FRMPD4: variants seen among roughly 807,000 people sequenced by gnomAD.
FRMPD4 encodes FERM and PDZ domain-containing protein 4.
FRMPD4 carries 22 observed loss-of-function variants against 94.1 expected under a neutral mutation model. The observed-to-expected ratio is 0.23, with a 90% confidence interval of 0.17 to 0.33. The LOEUF is 0.33. Among genes scored for constraint, FRMPD4 ranks in the 10% least tolerant of loss-of-function variants. The probability of loss-of-function intolerance (pLI) is 1.00; values close to 1 mark genes in which losing one functional copy is unlikely to be tolerated. For missense variants in FRMPD4, 1,111 were observed against 1,339.9 expected (o/e 0.83, Z 2.67); for synonymous variants, 631 against 548.6 (o/e 1.15, Z -2.10).
chrX:12,331,183 A>G (rs746977047), intron 1 of FRMPD4, among the ~76,000 whole-genome samples: 32 of 106,665 alleles, frequency 3.0e-4, no homozygotes, highest in Non-Finnish European at 5.4e-4. Context: ...TAAAATACAT[A>G]TATTGTTAAG....
chrX:11,885,127 C>T (rs772091082), intron 3 of FRMPD4, among the ~76,000 whole-genome samples: 1 of 111,860 alleles, frequency 8.9e-6, no homozygotes, highest in Admixed American at 9.5e-5. Flanking sequence ...AGAAGAAGCC[C>T]AGTGTCCATC....
chrX:11,861,006 G>A (rs1430493926), intron 1 of FRMPD4, among the ~76,000 whole-genome samples: 1 of 112,030 alleles, frequency 8.9e-6, no homozygotes, highest in African/African-American at 3.2e-5. Flanking sequence ...ATTTCAAAAA[G>A]TATTTAATTA....
At chrX:11,934,817 G>T (rs2054143214) in intron 3 of FRMPD4, among the ~76,000 whole-genome samples, 1 of 111,641 alleles carries the variant, frequency 9.0e-6, no homozygotes. Flanking sequence ...ATGAAGGAAT[G>T]AATGATGTCC....
intron 4 of FRMPD4, among the ~76,000 whole-genome samples, chrX:12,619,963 C>T (rs1397774099): frequency 1.8e-5 from 2 of 112,677 alleles, no homozygotes; most frequent in Non-Finnish European, 3.8e-5. Context: ...CTCAGGCAGG[C>T]CTACTGACCT....
chrX:12,536,372 T>C (rs1366519044), intron 2 of FRMPD4, among the ~76,000 whole-genome samples: 2 of 110,623 alleles, frequency 1.8e-5, no homozygotes, highest in African/African-American at 6.5e-5. Flanking sequence ...AAAAGTCTAC[T>C]TGATTATCAC....
chrX:11,828,195 T>C (rs994986702), intron 1 of FRMPD4, among the ~76,000 whole-genome samples: 1 of 112,151 alleles, frequency 8.9e-6, no homozygotes, highest in Admixed American at 9.5e-5. Context: ...CTAGAAATCT[T>C]GCTTGTAGCT....
In FRMPD4 at chrX:12,713,597, C is replaced by G. The variant is rs746050257; in HGVS notation, c.1610-2472C>G. ...TGAGCAGCAGTCTGGGCTCAGCATA[C>G]TCTAAGGGCTGAAAGTACTCTCTTC... On this transcript the variant is annotated intron_variant, in intron 14 of 16. Coordinates refer to ENST00000675598, the MANE Select transcript of FRMPD4 (RefSeq NM_001368397.1). Among the ~76,000 whole-genome samples, 141 of 111,149 alleles carry G rather than the reference C, an allele frequency of 1.3e-3. 1 individual carries two copies. The highest frequency in any genetic ancestry group is 4.5e-3 in the African/African-American group (138 of 30,530).
intron 1 of FRMPD4, among the ~76,000 whole-genome samples, chrX:12,392,963 G>A (rs1037104854): frequency 1.2e-4 from 13 of 111,928 alleles, no homozygotes; most frequent in Middle Eastern, 4.6e-3. Context: ...GCAAAACTCC[G>A]TCTCAAGGAA....
At chrX:12,133,358 T>C (rs1186382043) in intron 3 of FRMPD4, among the ~76,000 whole-genome samples, 1 of 110,433 alleles carries the variant, frequency 9.1e-6, no homozygotes, top group Non-Finnish European at 1.9e-5. Flanking sequence ...AGGCCTGAGC[T>C]ACTGCACCCA....
At chrX:12,658,326 G>A (rs748813018) in intron 4 of FRMPD4, among the ~76,000 whole-genome samples, 1 of 111,949 alleles carries the variant, frequency 8.9e-6, no homozygotes, top group Non-Finnish European at 1.9e-5. Flanking sequence ...CCTGTTTCTA[G>A]TCACTGTTTA....
At chrX:12,383,279 T>C (rs1232706627) in intron 1 of FRMPD4, among the ~76,000 whole-genome samples, 1 of 112,105 alleles carries the variant, frequency 8.9e-6, no homozygotes, top group Non-Finnish European at 1.9e-5. Flanking sequence ...AAACTAATTG[T>C]TCTCAAACAA....
At chrX:12,720,080 AAG>A (rs1211248489) in intron 16 of FRMPD4, among the ~76,000 whole-genome samples, 28 of 74,602 alleles carry the variant, frequency 3.8e-4, no homozygotes, top group African/African-American at 1.3e-3. Context: ...GAAAGAAAGA[AAG>A]AGAAAGAAAG....
At chrX:12,662,637 T>C (rs1463443893) in intron 4 of FRMPD4, among the ~76,000 whole-genome samples, 1 of 112,505 alleles carries the variant, frequency 8.9e-6, no homozygotes, top group Non-Finnish European at 1.9e-5. Context: ...GCCTTTGCAA[T>C]TGTGAACAGT....
intron 3 of FRMPD4, among the ~76,000 whole-genome samples, chrX:11,997,787 A>G (rs1422080524): frequency 5.4e-5 from 6 of 111,243 alleles, no homozygotes; most frequent in East Asian, 5.7e-4. Context: ...GCCCAAATCA[A>G]TGGGGCAGGG....
At position 12,718,487 on chromosome X, in the gene FRMPD4, G is replaced by A; in HGVS notation, c.3661G>A (p.Gly1221Ser). 2 of 1,207,899 alleles carry A rather than the reference G, an allele frequency of 1.7e-6. No individual in the cohort carries two copies. The highest frequency in any genetic ancestry group is 2.2e-6 in the Non-Finnish European group (2 of 891,829). ...CTCCCAAGGCTCTTCAGTGGATGCA[G>A]GCTGTGGCACAGGCAGCAGTGGCAG... is the stretch of plus-strand genomic sequence containing the variant. ...QSSQGSSVDAGCGTGSSGSAC... is the reference protein window; with the variant it reads ...QSSQGSSVDASCGTGSSGSAC... The change falls in exon 16 of 17, where the codon GGC becomes AGC. Residue 1221 changes from glycine to serine, a missense_variant. Physicochemically the swap from Gly to Ser is moderately conservative, Grantham distance 56. Around this residue, in one of 8 missense-constraint regions of FRMPD4, gnomAD observed 551 missense variants for 591.6 expected, o/e 0.93. Coordinates refer to ENST00000675598, the MANE Select transcript of FRMPD4 (RefSeq NM_001368397.1).
At chrX:12,573,325 T>C (rs2058777653) in intron 2 of FRMPD4, among the ~76,000 whole-genome samples, 1 of 112,011 alleles carries the variant, frequency 8.9e-6, no homozygotes, top group South Asian at 3.7e-4. Context: ...ACTTTTATTC[T>C]TAGGTCACTG....
chrX:12,589,639 C>T (rs1490795597), intron 2 of FRMPD4, among the ~76,000 whole-genome samples: 2 of 111,779 alleles, frequency 1.8e-5, no homozygotes, highest in East Asian at 2.8e-4. Flanking sequence ...ATATTAAACA[C>T]GTTCTGAGAC....
At chrX:12,403,600 C>CT (rs2056633754) in intron 1 of FRMPD4, among the ~76,000 whole-genome samples, 1 of 111,366 alleles carries the variant, frequency 9.0e-6, no homozygotes, top group South Asian at 3.8e-4. Flanking sequence ...TGTAATCTCC[C>CT]TGAAAACCCT....
At chrX:12,053,362 G>A (rs59561450) in intron 3 of FRMPD4, among the ~76,000 whole-genome samples, 4 of 16,126 alleles carry the variant, frequency 2.5e-4, no homozygotes, top group Non-Finnish European at 4.7e-4. Flanking sequence ...AAAGAAAGAA[G>A]AAAGAAAGAA....
Sources: gnomAD v4.1 joint callset for allele counts (sites outside exome capture counted in the v4.1 genomes callset) on GRCh38, gnomAD v4.1.1 for gene constraint, gnomAD v4.1.1 regional missense constraint, MANE v1.5 for transcripts, NCBI Gene and HGNC (gene_info 2026-07-23, HGNC 2026-07-21) for gene names.